SLC4A4: variants seen among roughly 807,000 people sequenced by gnomAD.
The protein encoded by SLC4A4 is electrogenic sodium bicarbonate cotransporter 1.
SLC4A4 carries 27 observed loss-of-function variants against 111.5 expected under a neutral mutation model. The observed-to-expected ratio is 0.24, with a 90% CI of 0.18 to 0.33. The LOEUF (loss-of-function observed/expected upper bound fraction) is 0.33. Ranked by LOEUF, SLC4A4 falls within the 10% of genes least tolerant of loss-of-function variation. The probability of loss-of-function intolerance (pLI) is 1.00; values close to 1 mark genes in which losing one functional copy is unlikely to be tolerated. For missense variants in SLC4A4, 909 were observed against 1,315.5 expected, an observed-to-expected ratio of 0.69 and a Z score of 4.78; for synonymous variants, 443 against 463.4, an observed-to-expected ratio of 0.96 and a Z score of 0.57.
chr4:71,173,390 T>C (rs2579334), intron 2 of SLC4A4, among the ~76,000 whole-genome samples: 1 of 152,154 alleles, frequency 6.6e-6, no homozygotes, highest in Non-Finnish European at 1.5e-5. Context: ...TTAATTAATT[T>C]ATTTATTTTG....
chr4:71,342,665 T>C (rs1416705174), intron 4 of SLC4A4, among the ~76,000 whole-genome samples: 1 of 152,220 alleles, frequency 6.6e-6, no homozygotes, highest in Admixed American at 6.5e-5. Flanking sequence ...GGTGTAGTTT[T>C]CTGTTTTTCA....
intron 14 of SLC4A4, among the ~76,000 whole-genome samples, chr4:71,474,324 A>G (rs1470382647): frequency 6.6e-6 from 1 of 151,932 alleles, no homozygotes; most frequent in Admixed American, 6.6e-5. Flanking sequence ...TGTGGGGCAC[A>G]TTCATGCAAT....
intron 16 of SLC4A4, among the ~76,000 whole-genome samples, chr4:71,519,646 A>ATTT (rs10635693): frequency 7.3e-5 from 11 of 151,462 alleles, no homozygotes; most frequent in South Asian, 4.2e-4. Flanking sequence ...TAAGAACATC[A>ATTT]TTTTTTTTGA....
At chr4:71,231,360 A>T (rs986371009) in intron 1 of SLC4A4, among the ~76,000 whole-genome samples, 10 of 152,190 alleles carry the variant, frequency 6.6e-5, no homozygotes, top group African/African-American at 2.4e-4. Flanking sequence ...CCAATGGCTG[A>T]CAGTTTTGCA....
At chr4:71,065,045 A>G (rs926667972) in intron 1 of SLC4A4, among the ~76,000 whole-genome samples, 44 of 152,266 alleles carry the variant, frequency 2.9e-4, no homozygotes, top group African/African-American at 1.0e-3. Context: ...AAATATAATA[A>G]TAAACCTTTG....
chr4:71,066,463 T>C (rs1307172022), intron 1 of SLC4A4, among the ~76,000 whole-genome samples: 1 of 152,186 alleles, frequency 6.6e-6, no homozygotes, highest in Non-Finnish European at 1.5e-5. Flanking sequence ...GCTGTCTCAT[T>C]CTAAAGGATT....
chr4:71,540,106 A>G (rs1359750324), intron 18 of SLC4A4, among the ~76,000 whole-genome samples: 2 of 152,182 alleles, frequency 1.3e-5, no homozygotes, highest in Non-Finnish European at 2.9e-5. Context: ...ATTTGTGTAC[A>G]AGTCTGTGTC....
At chr4:71,282,238 T>A (rs922449907) in intron 3 of SLC4A4, among the ~76,000 whole-genome samples, 8 of 152,120 alleles carry the variant, frequency 5.3e-5, no homozygotes, top group African/African-American at 1.9e-4. Flanking sequence ...TGCAGTATAG[T>A]TTATGGCAAG....
intron 7 of SLC4A4, among the ~76,000 whole-genome samples, chr4:71,405,846 G>C (rs1325228216): frequency 6.6e-6 from 1 of 152,184 alleles, no homozygotes; most frequent in Non-Finnish European, 1.5e-5. Flanking sequence ...GAAGCTTAAA[G>C]TATAGAGATT....
chr4:71,176,342 G>A (rs572143487), intron 2 of SLC4A4, among the ~76,000 whole-genome samples: 9 of 152,176 alleles, frequency 5.9e-5, no homozygotes, highest in East Asian at 1.9e-4. Context: ...TGACTTTGAC[G>A]AGTTGAGAGA....
intron 1 of SLC4A4, among the ~76,000 whole-genome samples, chr4:71,225,701 A>G (rs1173994034): frequency 2.6e-5 from 4 of 152,102 alleles, no homozygotes; most frequent in Non-Finnish European, 5.9e-5. Context: ...TGGGTGGGTC[A>G]GGGGGCTGTA....
intron 6 of SLC4A4, among the ~76,000 whole-genome samples, chr4:71,387,799 A>G (rs1466528371): frequency 2.0e-5 from 3 of 152,114 alleles, no homozygotes; most frequent in Non-Finnish European, 4.4e-5. Context: ...GGCCTAAAGT[A>G]TTTTTAATTT....
intron 2 of SLC4A4, among the ~76,000 whole-genome samples, chr4:71,169,144 GGA>G (rs1253139360): frequency 1.3e-5 from 2 of 151,898 alleles, no homozygotes; most frequent in African/African-American, 4.8e-5. Flanking sequence ...CAAGTAGCTG[GGA>G]TTACAGGCAT....
intron 7 of SLC4A4, among the ~76,000 whole-genome samples, chr4:71,436,659 G>A (rs1203905351): frequency 6.6e-6 from 1 of 152,142 alleles, no homozygotes; most frequent in Non-Finnish European, 1.5e-5. Context: ...AGTCAGTGCT[G>A]GCTACTACTT....
intron 3 of SLC4A4, among the ~76,000 whole-genome samples, chr4:71,324,473 T>C (rs1560410598): frequency 6.6e-6 from 1 of 152,030 alleles, no homozygotes; most frequent in Non-Finnish European, 1.5e-5. Context: ...TTTTTAAACA[T>C]GGAATTTCAT....
At chr4:71,388,119 G>A (rs1718928309) in intron 6 of SLC4A4, among the ~76,000 whole-genome samples, 1 of 152,194 alleles carries the variant, frequency 6.6e-6, no homozygotes, top group Non-Finnish European at 1.5e-5. Context: ...TAACTAGCTA[G>A]CATAGGCTTG....
intron 3 of SLC4A4, among the ~76,000 whole-genome samples, chr4:71,292,830 TTGG>T (rs1724462071): frequency 1.4e-5 from 2 of 144,160 alleles, no homozygotes; most frequent in South Asian, 4.7e-4. Context: ...TGTCTTACTT[TTGG>T]TTTTTTTTGT....
chr4:71,470,453 G>A (rs1442774481), intron 13 of SLC4A4, among the ~76,000 whole-genome samples: 3 of 152,000 alleles, frequency 2.0e-5, no homozygotes, highest in African/African-American at 7.2e-5. Flanking sequence ...ATCAGATGGG[G>A]AATCATGCTA....
intron 3 of SLC4A4, among the ~76,000 whole-genome samples, chr4:71,325,841 A>C (rs1254459053): frequency 1.3e-5 from 2 of 151,880 alleles, no homozygotes; most frequent in African/African-American, 4.8e-5. Context: ...AAAAGAGCTT[A>C]AAGGTGGTTA....
Sources: allele counts gnomAD v4.1 joint callset (sites outside exome capture counted in the v4.1 genomes callset), GRCh38; gene constraint gnomAD v4.1.1; transcripts MANE v1.5; gene names NCBI Gene and HGNC (gene_info 2026-07-23, HGNC 2026-07-21).